The following MFSD2A variants were observed in gnomAD, a reference collection of about 807,000 sequenced individuals.
MFSD2A encodes the protein MFSD2 lysolipid transporter A, lysophospholipid.
In MFSD2A, 27 loss-of-function variants were observed where a neutral mutation model predicts 64.7. The observed-to-expected ratio is 0.42, with a 90% CI of 0.31 to 0.58. The LOEUF (loss-of-function observed/expected upper bound fraction) is 0.58, where lower values mean the gene tolerates loss of function less well. MFSD2A is among the 20% of genes least tolerant of loss of function. The pLI is 0.18. For synonymous variants in MFSD2A, 258 were observed against 273.4 expected (o/e 0.94, Z 0.55); for missense variants, 474 against 679.5 (o/e 0.70, Z 3.36).
At position 39,965,375 on chromosome 1, in the gene MFSD2A, G is replaced by T. The variant is rs776535084; in HGVS notation, c.477+41G>T. ...TCCCTTGGGTGTCTCTAGGGGCCGG[G>T]AGGAGGGCGGTCCTTGGGGCCCCCA... On this transcript the variant is annotated intron_variant, in intron 4 of 13. Coordinates refer to ENST00000372811, the MANE Select transcript of MFSD2A (RefSeq NM_032793.5). This position sits in a 1 kb window ranked among gnomAD's most constrained non-coding sequence, Gnocchi z 5.5. 19 of 1,613,564 alleles carry T rather than the reference G, an allele frequency of 1.2e-5. No homozygotes were observed. The Admixed American group carries it at 3.0e-4, about 25-fold the overall frequency.
At position 39,960,904 on chromosome 1, in the gene MFSD2A, G is replaced by A. The variant is rs1041490850; in HGVS notation, c.353+2079G>A. Among the ~76,000 whole-genome samples the A allele has an allele frequency of 6.6e-6, 1 of 152,198 alleles. No homozygotes were observed. Among genetic ancestry groups the A allele is most frequent in the Non-Finnish European group, 1.5e-5 (1 of 68,044 alleles). On this transcript the variant is annotated intron_variant, in intron 3 of 13. Transcript: ENST00000372811. The surrounding 1 kb of genome is among the most constrained non-coding windows in gnomAD (Gnocchi z 4.8). ...CTGTGTGCACATGCTTCTGTGGCTG[G>A]TGGTGCCTGTGTATGCCTGCACGCG... is the stretch of plus-strand genomic sequence containing the variant.
Position 39,965,339 on chromosome 1 carries a change from G to A in MFSD2A, c.477+5G>A. 6.2e-7 allele frequency: 1 copy of A among 1,614,090 alleles called. No individual in the cohort carries two copies. Among genetic ancestry groups the A allele is most frequent in the Non-Finnish European group, 8.5e-7 (1 of 1,180,034 alleles). On this transcript the variant is annotated splice_donor_5th_base_variant and intron_variant, in intron 4 of 13. Transcript: ENST00000372811. The surrounding 1 kb of genome is among the most constrained non-coding windows in gnomAD (Gnocchi z 5.5). ...CTCTTTGAAACAATGGTCACGGTGA[G>A]TGTGGGTACCTCCCTTGGGTGTCTC...
chr1:39,965,657 C>G lies in MFSD2A; in HGVS notation c.556+108C>G, dbSNP rs142954920. 4.8e-5 allele frequency: 63 copies of G among 1,320,840 alleles called. No individual in the cohort carries two copies. Among genetic ancestry groups the G allele is most frequent in the Admixed American group, 9.2e-5 (5 of 54,542 alleles). The allele number at this position is 1,320,840 out of a possible 1,614,324, so 81.8% of individuals were successfully genotyped here. ...CTGCTCTAGAGTGTGGGTGTGAAAC[C>G]ATCTTAAAAATAACTCAATCCCCTT... is the stretch of plus-strand genomic sequence containing the variant. On this transcript the variant is annotated intron_variant, in intron 5 of 13. Coordinates refer to ENST00000372811, the MANE Select transcript of MFSD2A (RefSeq NM_032793.5). The surrounding 1 kb of genome is among the most constrained non-coding windows in gnomAD (Gnocchi z 5.5).
At position 39,966,609 on chromosome 1, in the gene MFSD2A, A is replaced by G; in HGVS notation, c.723A>G (p.Ala241=). 1 of 1,612,836 alleles carries G rather than the reference A, an allele frequency of 6.2e-7. No individual in the cohort carries two copies. The highest frequency in any genetic ancestry group is 1.7e-5 in the Admixed American group (1 of 59,834). ...GTTSHRETQK[A]YLLAAGVIVC... ...CCTTCACCTCCTTATAGCAAAAGGC[A>G]TACCTGCTGGCAGCGGGGGTCATTG... Residue 241 remains alanine (A), a synonymous_variant, in exon 7 of 14, where the codon GCA becomes GCG. Coordinates refer to ENST00000372811, the MANE Select transcript of MFSD2A (RefSeq NM_032793.5).
At chr1:39,962,717 T>A in intron 3 of MFSD2A, 1 of 789,650 alleles carries the variant, frequency 1.3e-6, no homozygotes. Context: ...AGGCCGAGGA[T>A]AAGGAGTGGA....
intron 9 of MFSD2A, 106 bp downstream of exon 9, chr1:39,967,275 A>C: frequency 9.8e-7 from 1 of 1,020,752 alleles, no homozygotes; most frequent in Non-Finnish European, 1.5e-6. Flanking sequence ...GCCCAAGGTC[A>C]TGAAAGGATG....
intron 6 of MFSD2A, among the ~76,000 whole-genome samples, 197 bp from the exon 7 acceptor site, chr1:39,966,404 C>G (rs1436207849): frequency 6.6e-6 from 1 of 152,118 alleles, no homozygotes; most frequent in Non-Finnish European, 1.5e-5. Context: ...GGTTTCTGAG[C>G]ATGTTGTGAA....
At chr1:39,969,138 G>A (rs1557641551) in intron 13 of MFSD2A, among the ~76,000 whole-genome samples, 1 of 152,190 alleles carries the variant, frequency 6.6e-6, no homozygotes, top group East Asian at 1.9e-4. Context: ...AAGGGGCGGA[G>A]CTGGGGTTTG....
chr1:39,956,330 C>T (rs1212758256), intron 1 of MFSD2A, among the ~76,000 whole-genome samples: 1 of 152,230 alleles, frequency 6.6e-6, no homozygotes, highest in Non-Finnish European at 1.5e-5. Context: ...AACAGCTGCG[C>T]CTGCAGCCAG....
chr1:39,966,152 A>C, intron 6 of MFSD2A, 138 bp downstream of exon 6: 4 of 996,326 alleles, frequency 4.0e-6, no homozygotes, highest in Non-Finnish European at 4.4e-6. Flanking sequence ...AATGCACCCA[A>C]TATACCTACT....
At chr1:39,967,298 C>G (rs1214168120) in intron 9 of MFSD2A, 129 bp downstream of exon 9, 1 of 841,494 alleles carries the variant, frequency 1.2e-6, no homozygotes, top group African/African-American at 1.7e-5. Flanking sequence ...GGAGGCTTCT[C>G]AGGGTATTTG....
In MFSD2A at chr1:39,964,299, C is replaced by G. The variant is rs529735398; in HGVS notation, c.354-912C>G. The G allele has an allele frequency of 1.3e-5, 2 of 152,310 alleles. No homozygotes were observed. The highest frequency in any genetic ancestry group is 4.8e-5 in the African/African-American group (2 of 41,568). 9.4% of individuals were successfully genotyped at this position (152,310 alleles called of 1,614,324 possible). ...AGGGCAATGATTTTTTATCTGTTCT[C>G]TAGTTATCCTAAGTAATTAGAATAG... On this transcript the variant is annotated intron_variant, in intron 3 of 13. Transcript: ENST00000372811. The surrounding 1 kb of genome is among the most constrained non-coding windows in gnomAD (Gnocchi z 4.1).
In MFSD2A at chr1:39,958,647, A is replaced by T. The variant is rs779888610; in HGVS notation, c.229-54A>T. 4.3e-6 allele frequency: 7 copies of T among 1,614,014 alleles called. No homozygotes were observed. The African/African-American group carries it at 9.3e-5, about 22-fold the overall frequency. On this transcript the variant is annotated intron_variant, in intron 2 of 13. Coordinates refer to ENST00000372811, the MANE Select transcript of MFSD2A (RefSeq NM_032793.5). This position sits in a 1 kb window ranked among gnomAD's most constrained non-coding sequence, Gnocchi z 4.7. ...GCCTCTGCTTCTGCCTACCAGTGAG[A>T]GTTGAGGCGAGTAGAAGGATGAGGA...
At chr1:39,967,563 G>C in intron 9 of MFSD2A, 65 bp from the exon 10 acceptor site, 1 of 1,480,252 alleles carries the variant, frequency 6.8e-7, no homozygotes, top group Non-Finnish European at 9.4e-7. Context: ...TGGGGTTCTG[G>C]GAAGGGCAGG....
Position 39,968,777 on chromosome 1 carries a change from G to A in MFSD2A, c.1529+32G>A, listed in dbSNP as rs983004988. The A allele has an allele frequency of 1.2e-6, 2 of 1,611,734 alleles. No individual in the cohort carries two copies. Among genetic ancestry groups the A allele is most frequent in the Non-Finnish European group, 1.7e-6 (2 of 1,179,102 alleles). ...GGGGAGGGGACAGGATGCTGGAGGA[G>A]GGGACGTCACTGTGTCTAAACCCTC... On this transcript the variant is annotated intron_variant, in intron 13 of 13. Coordinates refer to ENST00000372811, the MANE Select transcript of MFSD2A (RefSeq NM_032793.5). The surrounding 1 kb of genome is among the most constrained non-coding windows in gnomAD (Gnocchi z 4.4).
chr1:39,958,866 C>A lies in MFSD2A; in HGVS notation c.353+41C>A. The A allele has an allele frequency of 6.5e-7, 1 of 1,543,504 alleles. No homozygotes were observed. The highest frequency in any genetic ancestry group is 1.2e-5 in the South Asian group (1 of 80,314). On this transcript the variant is annotated intron_variant, in intron 3 of 13. Coordinates refer to ENST00000372811, the MANE Select transcript of MFSD2A (RefSeq NM_032793.5). The surrounding 1 kb of genome is among the most constrained non-coding windows in gnomAD (Gnocchi z 4.7). The stretch of plus-strand genomic sequence containing the variant: ...CCCTTCGAGGTGGCACAAGGCAGGA[C>A]TTCCAGCATATCTGCTCCTTGGTCC...
Position 39,969,753 on chromosome 1 carries a change from C to G in MFSD2A, c.*185C>G. 1.7e-6 allele frequency: 1 copy of G among 601,678 alleles called. No homozygotes were observed. The highest frequency in any genetic ancestry group is 2.9e-6 in the Non-Finnish European group (1 of 344,746). The allele number at this position is 601,678 out of a possible 1,614,324, so 37.3% of individuals were successfully genotyped here. ...TGCTCTGTGGCCTCCTGCCTCCCCT[C>G]TGCCTGCCTGTGGGGCCAAGCCCTG... On this transcript the variant is annotated 3_prime_UTR_variant, in exon 14 of 14. Coordinates refer to ENST00000372811, the MANE Select transcript of MFSD2A (RefSeq NM_032793.5).
In MFSD2A at chr1:39,963,512, A is replaced by G; in HGVS notation, c.354-1699A>G. On this transcript the variant is annotated intron_variant, in intron 3 of 13. Transcript: ENST00000372811. The surrounding 1 kb of genome is among the most constrained non-coding windows in gnomAD (Gnocchi z 4.2). ...GGCTGGACTCAAACTCCTGGGGAAA[A>G]GCAATCCTCTTGCCTCAGTTTCCCA... 2.3e-6 allele frequency: 1 copy of G among 442,548 alleles called. No homozygotes were observed. Among genetic ancestry groups the G allele is most frequent in the Non-Finnish European group, 4.0e-6 (1 of 249,536 alleles). The allele number at this position is 442,548 out of a possible 1,614,324, so 27.4% of individuals were successfully genotyped here. A position where few individuals can be genotyped will look rare whatever the true frequency, so the allele number is the denominator to read the frequency against.
rs1430721462 is a variant in MFSD2A at position 39,955,368 on chromosome 1, C to T, written c.76C>T (p.Arg26Cys). 3 of 1,494,836 alleles carry T rather than the reference C, an allele frequency of 2.0e-6. No individual in the cohort carries two copies. Among genetic ancestry groups the T allele is most frequent in the Non-Finnish European group, 2.7e-6 (3 of 1,123,322 alleles). The allele number at this position is 1,494,836 out of a possible 1,614,324, so 92.6% of individuals were successfully genotyped here. Residue 26 changes from arginine to cysteine, a missense_variant, in exon 1 of 14, where the codon CGC (arginine) becomes TGC (cysteine). Coordinates refer to ENST00000372811, the MANE Select transcript of MFSD2A (RefSeq NM_032793.5). This position sits in a 1 kb window ranked among gnomAD's most constrained non-coding sequence, Gnocchi z 5.9. ...LPTSILQSTE[R>C]PAQVKKEPKK... ...CACCAGCATCCTCCAAAGCACTGAA[C>T]GCCCGGCCCAGGTGAAGGTGAGGGC...
Sources: gnomAD v4.1 joint callset for allele counts (sites outside exome capture counted in the v4.1 genomes callset) on GRCh38, gnomAD v4.1.1 for gene constraint, Gnocchi (gnomAD v3.1) non-coding constraint, MANE v1.5 for transcripts, NCBI Gene and HGNC (gene_info 2026-07-23, HGNC 2026-07-21) for gene names.